RWDD3: variants seen among roughly 807,000 people sequenced by gnomAD.
RWDD3 encodes RWD domain containing 3, also known as RWD domain-containing protein 3.
A neutral mutation model predicts 26.5 loss-of-function variants in RWDD3; 30 were observed. That is an observed-to-expected ratio of 1.13 (90% CI 0.85 to 1.54). The LOEUF (loss-of-function observed/expected upper bound fraction) is 1.54. Among genes scored for constraint, RWDD3 ranks in the 40% most tolerant of loss-of-function variants. The pLI, the probability that RWDD3 is intolerant of heterozygous loss-of-function variation, is 0.00. For synonymous variants in RWDD3, 113 were observed against 114.5 expected (o/e 0.99, Z 0.09); for missense variants, 296 against 309.1 (o/e 0.96, Z 0.32).
chr1:95,246,179 A>G (rs1311502994), intron 2 of RWDD3: 2 of 166,602 alleles, frequency 1.2e-5, no homozygotes, highest in Non-Finnish European at 2.6e-5. Flanking sequence ...AGTGCTTTGC[A>G]TGTATTATCT....
chr1:95,241,693 G>A lies in RWDD3; in HGVS notation c.86-2518G>A, dbSNP rs779165922. Among the ~76,000 whole-genome samples, 118 of 152,190 alleles carry A rather than the reference G, an allele frequency of 7.8e-4. 1 individual carries two copies. The highest frequency in any genetic ancestry group is 9.1e-4 in the Non-Finnish European group (62 of 68,038). On this transcript the variant is annotated intron_variant, in intron 1 of 3. Coordinates refer to ENST00000370202, the MANE Select transcript of RWDD3 (RefSeq NM_015485.5). ...ACTGACCTAGTGATGGATGAGAGAC[G>A]TACACTGACACAGACATTTTGCTTG...
chr1:95,244,740 C>A, intron 2 of RWDD3, 42 bp downstream of exon 2: 1 of 1,587,258 alleles, frequency 6.3e-7, no homozygotes, highest in Non-Finnish European at 8.6e-7. Context: ...TGGCTATTTT[C>A]TGCTTTAAAT....
At chr1:95,240,249 C>T (rs1680557475) in intron 1 of RWDD3, among the ~76,000 whole-genome samples, 1 of 152,154 alleles carries the variant, frequency 6.6e-6, no homozygotes, top group African/African-American at 2.4e-5. Flanking sequence ...GATTTCTGCA[C>T]CTGTGAGATC....
intron 1 of RWDD3, among the ~76,000 whole-genome samples, chr1:95,236,723 C>T (rs964962858): frequency 2.6e-5 from 4 of 152,166 alleles, no homozygotes; most frequent in Non-Finnish European, 2.9e-5. Flanking sequence ...CTGCCTGAGG[C>T]AGCTATTTGA....
At chr1:95,234,900 C>CT (rs575848316) in intron 1 of RWDD3, among the ~76,000 whole-genome samples, 11,204 of 146,038 alleles carry the variant, frequency 0.077, 537 homozygotes, top group East Asian at 0.097. Flanking sequence ...TTTTCTGATA[C>CT]TTTTTTTTTT....
intron 1 of RWDD3, among the ~76,000 whole-genome samples, chr1:95,241,401 C>T (rs1207957510): frequency 6.6e-6 from 1 of 152,076 alleles, no homozygotes; most frequent in Admixed American, 6.5e-5. Context: ...ACAATGCACT[C>T]AGTGGGTCTT....
chr1:95,244,092 A>G, intron 1 of RWDD3, 119 bp from the exon 2 acceptor site: 1 of 1,458,520 alleles, frequency 6.9e-7, no homozygotes, highest in Non-Finnish European at 9.1e-7. Context: ...CCTTCATAAA[A>G]TAGCTCAGAG....
At chr1:95,243,792 G>A (rs1557722023) in intron 1 of RWDD3, among the ~76,000 whole-genome samples, 1 of 152,030 alleles carries the variant, frequency 6.6e-6, no homozygotes, top group East Asian at 1.9e-4. Context: ...AATGACTTTC[G>A]TTGGATTTAG....
At chr1:95,237,890 G>C (rs1206114828) in intron 1 of RWDD3, among the ~76,000 whole-genome samples, 7 of 152,200 alleles carry the variant, frequency 4.6e-5, no homozygotes, top group Non-Finnish European at 1.0e-4. Context: ...AGAGAGATGG[G>C]GCTGTTGCAT....
Position 95,236,232 on chromosome 1 carries a change from A to G in RWDD3, c.85+1917A>G, listed in dbSNP as rs1016154645. The stretch of plus-strand genomic sequence containing the variant: ...TCCTTGCTACTCGGGAGGCTGAGGC[A>G]GGAGAATCACTTGAACCCGGGAGGC... On this transcript the variant is annotated intron_variant, in intron 1 of 3. Transcript: ENST00000370202. Among the ~76,000 whole-genome samples, 15 of 152,058 alleles carry G rather than the reference A, an allele frequency of 9.9e-5. No homozygotes were observed. In the East Asian group the frequency reaches 2.9e-3, roughly 29 times the overall value.
At chr1:95,236,440 G>T (rs1680362438) in intron 1 of RWDD3, among the ~76,000 whole-genome samples, 1 of 152,130 alleles carries the variant, frequency 6.6e-6, no homozygotes, top group Admixed American at 6.5e-5. Flanking sequence ...CTGAAGGACA[G>T]GGAGTTGACT....
Position 95,244,404 on chromosome 1 carries a change from C to T in RWDD3, c.279C>T (p.Ser93=), listed in dbSNP as rs1557722500. Residue 93 remains serine, a synonymous_variant, in exon 2 of 4, where the codon AGC becomes AGT. Coordinates refer to ENST00000370202, the MANE Select transcript of RWDD3 (RefSeq NM_015485.5). ...VKENLLEQAE[S]LLSEPMVHEL... ...AGAATTTACTTGAGCAAGCAGAGAG[C>T]CTTTTGTCGGAGCCTATGGTTCATG... 1 of 1,614,156 alleles carries T rather than the reference C, an allele frequency of 6.2e-7. No individual in the cohort carries two copies. The highest frequency in any genetic ancestry group is 1.3e-5 in the African/African-American group (1 of 75,038).
intron 2 of RWDD3, 53 bp from the exon 3 acceptor site, chr1:95,246,489 G>T: frequency 2.0e-6 from 2 of 1,019,880 alleles, no homozygotes; most frequent in South Asian, 1.5e-5. Context: ...TTAAAACTGG[G>T]ACTTTGAGAC....
At chr1:95,244,787 GATTA>G in intron 2 of RWDD3, 89 bp downstream of exon 2, 3 of 1,349,596 alleles carry the variant, frequency 2.2e-6, no homozygotes, top group Non-Finnish European at 3.0e-6. Context: ...CAATGGGATA[GATTA>G]ATTATTAAGA....
At chr1:95,243,059 T>G (rs1037645733) in intron 1 of RWDD3, 1 of 152,238 alleles carries the variant, frequency 6.6e-6, no homozygotes, top group African/African-American at 2.4e-5. Flanking sequence ...TAATATGGTC[T>G]TCTTAACGGT....
At position 95,246,917 on chromosome 1, in the gene RWDD3, T is replaced by G; in HGVS notation, c.*47T>G. The G allele has an allele frequency of 8.3e-7, 1 of 1,198,008 alleles. No homozygotes were observed. Among genetic ancestry groups the G allele is most frequent in the Non-Finnish European group, 1.1e-6 (1 of 870,036 alleles). 74.2% of individuals were successfully genotyped at this position (1,198,008 alleles called of 1,614,324 possible). On this transcript the variant is annotated 3_prime_UTR_variant, in exon 4 of 4. Coordinates refer to ENST00000370202, the MANE Select transcript of RWDD3 (RefSeq NM_015485.5). The stretch of plus-strand genomic sequence containing the variant: ...AGTAAAATAGCAGTGTTTTTTGTTG[T>G]TTTTGCATTGGATTTGGGGAGTGGT...
intron 1 of RWDD3, among the ~76,000 whole-genome samples, chr1:95,242,994 A>C (rs992534184): frequency 6.6e-6 from 1 of 152,234 alleles, no homozygotes; most frequent in African/African-American, 2.4e-5. Context: ...AGGAATGTAC[A>C]AAGTTAGATT....
At chr1:95,239,526 G>A (rs988366755) in intron 1 of RWDD3, among the ~76,000 whole-genome samples, 3 of 152,158 alleles carry the variant, frequency 2.0e-5, no homozygotes, top group Admixed American at 6.5e-5. Context: ...GAAGAATGGA[G>A]TATGTTATTG....
chr1:95,244,631 C>T lies in RWDD3; in HGVS notation c.506C>T (p.Thr169Ile). The change falls in exon 2 of 4, where the codon ACA (threonine) becomes ATA (isoleucine). Residue 169 changes from threonine (T) to isoleucine (I), a missense_variant. Thr to Ile is a moderately conservative substitution (Grantham distance 89, BLOSUM62 -1). Transcript: ENST00000370202. ...AAGTGGGCTTCAGATTTAAGGCTGA[C>T]AGGAAGACTGATGTTCATGGGTAAA... Reference protein sequence around the residue: ...VEKWASDLRLTGRLMFMGKII... With the variant: ...VEKWASDLRLIGRLMFMGKII... The T allele has an allele frequency of 6.2e-7, 1 of 1,614,134 alleles. No individual in the cohort carries two copies. The highest frequency in any genetic ancestry group is 8.5e-7 in the Non-Finnish European group (1 of 1,180,018).
Sources: allele counts gnomAD v4.1 joint callset (sites outside exome capture counted in the v4.1 genomes callset), GRCh38; gene constraint gnomAD v4.1.1; transcripts MANE v1.5; gene names NCBI Gene and HGNC (gene_info 2026-07-23, HGNC 2026-07-21).